Variants in WDR20 observed in about 807,000 individuals in gnomAD.
The protein encoded by WDR20 is WD repeat-containing protein 20.
Under a neutral mutation model 38.7 loss-of-function variants are expected in WDR20, and 3 were observed. That is an observed-to-expected ratio of 0.08 (90% CI 0.04 to 0.20). WDR20 has a LOEUF of 0.20. Ranked by LOEUF, WDR20 falls within the 10% of genes least tolerant of loss-of-function variation. WDR20 has a pLI of 1.00. For missense variants in WDR20, 559 were observed against 727.7 expected, an observed-to-expected ratio of 0.77 and a Z score of 2.67; for synonymous variants, 298 against 285.6, an observed-to-expected ratio of 1.04 and a Z score of -0.44.
chr14:102,170,009 G>A (rs74864480), intron 1 of WDR20, among the ~76,000 whole-genome samples: 2,593 of 152,244 alleles, frequency 0.017, 50 homozygotes, highest in South Asian at 0.097. Flanking sequence ...GAAGTAACCA[G>A]TATTAAGTTC....
intron 2 of WDR20, chr14:102,198,001 C>G: frequency 2.0e-6 from 1 of 497,224 alleles, no homozygotes. Context: ...TATAATAGCA[C>G]CACCCCCGAA....
At chr14:102,182,166 T>G (rs1241522864) in intron 1 of WDR20, among the ~76,000 whole-genome samples, 1 of 152,184 alleles carries the variant, frequency 6.6e-6, no homozygotes. Flanking sequence ...TGGATTCATA[T>G]TATAAATATA....
intron 1 of WDR20, among the ~76,000 whole-genome samples, chr14:102,178,253 G>A (rs2062593911): frequency 6.6e-6 from 1 of 152,024 alleles, no homozygotes; most frequent in Admixed American, 6.6e-5. Flanking sequence ...TCAGCCAGGT[G>A]TGGTGGCATG....
chr14:102,155,916 A>G (rs892325211), intron 1 of WDR20, among the ~76,000 whole-genome samples: 4 of 150,488 alleles, frequency 2.7e-5, no homozygotes, highest in Non-Finnish European at 4.4e-5. Context: ...ATGGGTCTAC[A>G]TGAAGCTTGG....
At chr14:102,193,784 A>G (rs2058948219) in intron 1 of WDR20, among the ~76,000 whole-genome samples, 1 of 152,182 alleles carries the variant, frequency 6.6e-6, no homozygotes, top group Non-Finnish European at 1.5e-5. Context: ...GTAGAGAACT[A>G]GAGCCGGGAG....
chr14:102,214,103 T>C (rs2062909131), downstream of WDR20: 1 of 985,444 alleles, frequency 1.0e-6, no homozygotes, highest in Non-Finnish European at 1.2e-6. Flanking sequence ...GGTGTGCCCT[T>C]GGCTGAGGTT....
intron 1 of WDR20, among the ~76,000 whole-genome samples, chr14:102,170,020 TTGTA>T (rs1445051307): frequency 1.3e-5 from 2 of 152,232 alleles, no homozygotes; most frequent in African/African-American, 4.8e-5. Context: ...TATTAAGTTC[TTGTA>T]TGTATTTCCA....
At position 102,221,432 on chromosome 14, in the gene WDR20, C is replaced by T. The variant is rs762916472; in HGVS notation, c.1693-1398C>T. Among the ~76,000 whole-genome samples the T allele has an allele frequency of 4.6e-5, 7 of 152,182 alleles. No individual in the cohort carries two copies. The highest frequency in any genetic ancestry group is 1.9e-4 in the East Asian group (1 of 5,196). Reference sequence around the variant, plus strand: ...AGGCTTCCTTCCTCCAGACTGTCTGCGGCAGAAGTGGGGTCAGGAACCTGC... The same window carrying T: ...AGGCTTCCTTCCTCCAGACTGTCTGTGGCAGAAGTGGGGTCAGGAACCTGC... On this transcript the variant is annotated intron_variant, in intron 3 of 3. Transcript: ENST00000335263. The surrounding 1 kb of genome is among the most constrained non-coding windows in gnomAD (Gnocchi z 4.8).
At chr14:102,186,615 A>G (rs1414642032) in intron 1 of WDR20, among the ~76,000 whole-genome samples, 2 of 151,962 alleles carry the variant, frequency 1.3e-5, no homozygotes, top group African/African-American at 2.4e-5. Context: ...GGACTAATCA[A>G]TCCCTAACAG....
At chr14:102,153,353 C>T (rs1230066083) in intron 1 of WDR20, among the ~76,000 whole-genome samples, 1 of 142,228 alleles carries the variant, frequency 7.0e-6, no homozygotes, top group Non-Finnish European at 1.5e-5. Flanking sequence ...GTCACCCAGG[C>T]TGGAGTGCAG....
intron 1 of WDR20, among the ~76,000 whole-genome samples, chr14:102,147,865 G>T (rs923580517): frequency 2.6e-5 from 4 of 152,120 alleles, no homozygotes; most frequent in Admixed American, 2.6e-4. Context: ...CGAGTAACTG[G>T]GATTACAGGC....
chr14:102,163,593 A>G (rs2059190051), intron 1 of WDR20, among the ~76,000 whole-genome samples: 1 of 139,498 alleles, frequency 7.2e-6, no homozygotes, highest in Non-Finnish European at 1.5e-5. Context: ...GCGCCGCTGC[A>G]CTCCAGCCTG....
At chr14:102,214,335 C>G, downstream of WDR20, 1 of 985,412 alleles carries the variant, frequency 1.0e-6, no homozygotes. Flanking sequence ...TCACAGCGAC[C>G]CCAAGTGATG....
intron 1 of WDR20, among the ~76,000 whole-genome samples, chr14:102,190,584 A>G (rs530928139): frequency 6.6e-6 from 1 of 152,038 alleles, no homozygotes; most frequent in African/African-American, 2.4e-5. Flanking sequence ...CAAGAGGGAA[A>G]TTCTGTCTCA....
chr14:102,185,317 G>GGC (rs1269154217), intron 1 of WDR20, among the ~76,000 whole-genome samples: 7 of 152,122 alleles, frequency 4.6e-5, no homozygotes, highest in Non-Finnish European at 8.8e-5. Context: ...AATTCTGTGA[G>GGC]GCAAATGATT....
chr14:102,207,514 C>G lies in WDR20; in HGVS notation c.433-1089C>G, dbSNP rs1009642083. ...GGGACTCCCCACCTGTTAGGTGAAG[C>G]GGTGGTGTTCAACTTACCTGGGGCT... On this transcript the variant is annotated intron_variant, in intron 2 of 2. Transcript: ENST00000342702. The surrounding 1 kb of genome is among the most constrained non-coding windows in gnomAD (Gnocchi z 5.0). 6.6e-6 allele frequency among the ~76,000 whole-genome samples: 1 copy of G among 152,200 alleles called. No homozygotes were observed. The highest frequency in any genetic ancestry group is 6.5e-5 in the Admixed American group (1 of 15,288).
chr14:102,194,874 C>G, intron 1 of WDR20, 64 bp from the exon 2 acceptor site: 1 of 1,499,578 alleles, frequency 6.7e-7, no homozygotes, highest in Non-Finnish European at 9.1e-7. Flanking sequence ...TATAAAGTAG[C>G]ATAACTTAGA....
intron 1 of WDR20, among the ~76,000 whole-genome samples, chr14:102,189,740 A>G (rs949478602): frequency 6.6e-6 from 1 of 152,230 alleles, no homozygotes; most frequent in Non-Finnish European, 1.5e-5. Flanking sequence ...GAAAAAAACT[A>G]ATTTTGTGGA....
intron 1 of WDR20, among the ~76,000 whole-genome samples, chr14:102,164,758 C>G (rs141994743): frequency 0.01 from 1,587 of 152,290 alleles, 31 homozygotes; most frequent in African/African-American, 0.036. Context: ...GTTCTTTCTA[C>G]TCTACCTAGA....
Sources: allele counts gnomAD v4.1 joint callset (sites outside exome capture counted in the v4.1 genomes callset), GRCh38; gene constraint gnomAD v4.1.1; non-coding constraint Gnocchi (gnomAD v3.1); transcripts MANE v1.5; gene names NCBI Gene and HGNC (gene_info 2026-07-23, HGNC 2026-07-21).